Variants in CLIC6 observed in about 807,000 individuals in gnomAD.
CLIC6 encodes chloride intracellular channel protein 6.
In CLIC6, 39 loss-of-function variants were observed where a neutral mutation model predicts 49.2. The observed-to-expected ratio is 0.79, with a 90% CI of 0.61 to 1.04. CLIC6 has a LOEUF of 1.04. Among genes scored for constraint, CLIC6 ranks in the 50% least tolerant of loss-of-function variants. The pLI is 0.00. For missense variants in CLIC6, 988 were observed against 993.1 expected (o/e 0.99, Z 0.07); for synonymous variants, 446 against 433.4 (o/e 1.03, Z -0.36).
Position 34,669,584 on chromosome 21 carries a change from G to A in CLIC6, c.196G>A (p.Asp66Asn). ...AVKEAGGGGP[D>N]RGPEAEARGT... is the part of the protein sequence containing the mutation. ...GAAGGAGGCAGGAGGCGGCGGGCCA[G>A]ACAGGGGCCCGGAGGCCGAGGCGCG... Residue 66 changes from aspartate (D) to asparagine (N), a missense_variant, in exon 1 of 6, where the codon GAC (aspartate) becomes AAC (asparagine). Asp to Asn is a conservative substitution (Grantham distance 23, BLOSUM62 1). Coordinates refer to ENST00000349499, the MANE Select transcript of CLIC6 (RefSeq NM_053277.3). 2 of 1,267,734 alleles carry A rather than the reference G, an allele frequency of 1.6e-6. No individual in the cohort carries two copies. Among genetic ancestry groups the A allele is most frequent in the Non-Finnish European group, 2.0e-6 (2 of 1,010,236 alleles). 78.5% of individuals were successfully genotyped at this position (1,267,734 alleles called of 1,614,324 possible).
At chr21:34,683,369 T>C (rs1989817632) in intron 1 of CLIC6, among the ~76,000 whole-genome samples, 1 of 152,242 alleles carries the variant, frequency 6.6e-6, no homozygotes. Flanking sequence ...GATGCAGTGA[T>C]ATAAAAATAT....
At chr21:34,691,653 AT>A (rs1989996959) in intron 1 of CLIC6, among the ~76,000 whole-genome samples, 1 of 152,206 alleles carries the variant, frequency 6.6e-6, no homozygotes, top group African/African-American at 2.4e-5. Context: ...TTGCATTTAA[AT>A]GAAAAATACC....
At chr21:34,684,716 G>A (rs1989843472) in intron 1 of CLIC6, among the ~76,000 whole-genome samples, 1 of 152,208 alleles carries the variant, frequency 6.6e-6, no homozygotes, top group Non-Finnish European at 1.5e-5. Flanking sequence ...TACGGTAGGA[G>A]ACTACAGTGA....
Position 34,670,748 on chromosome 21 carries a change from A to G in CLIC6, c.1360A>G (p.Thr454Ala). 1 of 1,599,140 alleles carries G rather than the reference A, an allele frequency of 6.3e-7. No homozygotes were observed. Among genetic ancestry groups the G allele is most frequent in the Non-Finnish European group, 8.5e-7 (1 of 1,177,652 alleles). Reference protein sequence around the residue: ...PRALGQEHDITLFVKAGYDGE... With the variant: ...PRALGQEHDIALFVKAGYDGE... ...GGCCCTGGGGCAGGAGCACGACATCACCCTCTTCGTCAAGGTAAAGCTCGC... is the reference window on the plus strand; with the variant it reads ...GGCCCTGGGGCAGGAGCACGACATCGCCCTCTTCGTCAAGGTAAAGCTCGC... Residue 454 changes from threonine to alanine, a missense_variant, in exon 1 of 6, where the codon ACC becomes GCC. By Grantham distance (58) the Thr-to-Ala change is moderately conservative. Around this residue, in one of 3 missense-constraint regions of CLIC6, gnomAD observed 647 missense variants for 596.9 expected, o/e 1.08. Transcript: ENST00000349499.
At chr21:34,689,145 A>G (rs1989939764) in intron 1 of CLIC6, among the ~76,000 whole-genome samples, 1 of 152,224 alleles carries the variant, frequency 6.6e-6, no homozygotes. Context: ...TTTGAAGCCA[A>G]CAGCCCTCTT....
intron 1 of CLIC6, among the ~76,000 whole-genome samples, chr21:34,703,021 C>T (rs761013063): frequency 6.9e-6 from 1 of 145,514 alleles, no homozygotes; most frequent in Non-Finnish European, 1.5e-5. Flanking sequence ...CCCATTATCA[C>T]TCACTCACTC....
At chr21:34,675,084 C>A (rs183123001) in intron 1 of CLIC6, among the ~76,000 whole-genome samples, 109 of 152,222 alleles carry the variant, frequency 7.2e-4, no homozygotes, top group African/African-American at 2.5e-3. Context: ...TAGACACCAC[C>A]TGTTTACTTG....
At chr21:34,701,310 A>G (rs1365714586) in intron 1 of CLIC6, among the ~76,000 whole-genome samples, 2 of 109,560 alleles carry the variant, frequency 1.8e-5, no homozygotes, top group East Asian at 5.3e-4. Flanking sequence ...CTCCGTCTCA[A>G]AAAAAAAAAA....
intron 1 of CLIC6, among the ~76,000 whole-genome samples, chr21:34,684,331 G>C (rs1034017803): frequency 6.6e-6 from 1 of 152,170 alleles, no homozygotes; most frequent in Admixed American, 6.5e-5. Flanking sequence ...GGGCCGGGTG[G>C]GAAGAGCAGG....
intron 1 of CLIC6, among the ~76,000 whole-genome samples, chr21:34,683,421 G>T (rs1989818419): frequency 6.6e-6 from 1 of 152,112 alleles, no homozygotes; most frequent in South Asian, 2.1e-4. Context: ...TTCTATTTGT[G>T]CTCCAGTCTG....
At chr21:34,702,089 G>T (rs1005523353) in intron 1 of CLIC6, among the ~76,000 whole-genome samples, 2 of 152,202 alleles carry the variant, frequency 1.3e-5, no homozygotes, top group African/African-American at 4.8e-5. Context: ...CCCGGCCCCA[G>T]GCGCATGGGA....
chr21:34,681,855 A>C (rs1188608817), intron 1 of CLIC6, among the ~76,000 whole-genome samples: 1 of 152,232 alleles, frequency 6.6e-6, no homozygotes, highest in Admixed American at 6.5e-5. Context: ...TTAAAAGAAA[A>C]GGCAAAGAAT....
rs57210806 is a variant in CLIC6, at chr21:34,694,135, A to ATTTTTT, written c.1375-13133_1375-13128dup. Among the ~76,000 whole-genome samples the ATTTTTT allele has an allele frequency of 9.3e-4, 120 of 128,414 alleles. 1 individual carries two copies. The highest frequency in any genetic ancestry group is 3.4e-3 in the African/African-American group (110 of 32,012). The allele number at this position is 128,414 out of a possible 152,430, so 84.2% of individuals were successfully genotyped here. A position where few individuals can be genotyped will look rare whatever the true frequency, so the allele number is the denominator to read the frequency against. Reference sequence around the variant, plus strand: ...ACTACAGCACCACCACGCCTGGTTAATTTTTTTTTTTTTTTTTGTATTTTT... The same window carrying ATTTTTT: ...ACTACAGCACCACCACGCCTGGTTAATTTTTTTTTTTTTTTTTTTTTTTGTATTTTT... On this transcript the variant is annotated intron_variant, in intron 1 of 5. Coordinates refer to ENST00000349499, the MANE Select transcript of CLIC6 (RefSeq NM_053277.3).
chr21:34,712,880 C>G (rs1325095348), intron 5 of CLIC6, among the ~76,000 whole-genome samples: 1 of 152,040 alleles, frequency 6.6e-6, no homozygotes, highest in Non-Finnish European at 1.5e-5. Flanking sequence ...AACCCTAACC[C>G]TAACCCTAAC....
rs201177922 is a variant in CLIC6 at position 34,674,606 on chromosome 21, A to G, written c.1374+3844A>G. 7.9e-5 allele frequency among the ~76,000 whole-genome samples: 12 copies of G among 152,356 alleles called. No homozygotes were observed. In the East Asian group the frequency reaches 2.1e-3, roughly 27 times the overall value. Reference sequence around the variant, plus strand: ...AAGGATGCATTCTTGTACAGAAGCCAGGAACATATAGAACCAGCCAAGAAA... The same window carrying G: ...AAGGATGCATTCTTGTACAGAAGCCGGGAACATATAGAACCAGCCAAGAAA... On this transcript the variant is annotated intron_variant, in intron 1 of 5. Coordinates refer to ENST00000349499, the MANE Select transcript of CLIC6 (RefSeq NM_053277.3).
intron 1 of CLIC6, among the ~76,000 whole-genome samples, chr21:34,701,303 C>G: frequency 9.9e-6 from 1 of 101,022 alleles, no homozygotes; most frequent in African/African-American, 5.3e-5. Flanking sequence ...AGCGAGGCTC[C>G]GTCTCAAAAA....
chr21:34,709,469 G>A lies in CLIC6; in HGVS notation c.1830G>A (p.Arg610=). The A allele has an allele frequency of 6.2e-7, 1 of 1,614,020 alleles. No individual in the cohort carries two copies. The highest frequency in any genetic ancestry group is 1.3e-5 in the African/African-American group (1 of 75,046). Reference sequence around the variant, plus strand: ...CCGAGGATGTCACTGTTTCTGGAAGGAAGTTTCTGGATGGGGACGAGCTGA... The same window carrying A: ...CCGAGGATGTCACTGTTTCTGGAAGAAAGTTTCTGGATGGGGACGAGCTGA... ...YSTEDVTVSG[R]KFLDGDELTL... is the part of the protein sequence containing the mutation. Residue 610 remains arginine (R), a synonymous_variant, in exon 5 of 6, where the codon AGG becomes AGA. Transcript: ENST00000349499.
chr21:34,690,861 CA>C (rs33931156), intron 1 of CLIC6, among the ~76,000 whole-genome samples: 2,188 of 99,620 alleles, frequency 0.022, 44 homozygotes, highest in African/African-American at 0.081. Context: ...TAATACATGT[CA>C]AAAAAAAAAA....
intron 1 of CLIC6, among the ~76,000 whole-genome samples, chr21:34,688,291 G>A (rs1989920149): frequency 6.6e-6 from 1 of 152,088 alleles, no homozygotes; most frequent in Non-Finnish European, 1.5e-5. Context: ...ACTCTTATTC[G>A]GCTCGGAGCC....
Sources: allele counts gnomAD v4.1 joint callset (sites outside exome capture counted in the v4.1 genomes callset), GRCh38; gene constraint gnomAD v4.1.1; regional missense constraint gnomAD v4.1.1; transcripts MANE v1.5; gene names NCBI Gene and HGNC (gene_info 2026-07-23, HGNC 2026-07-21).